The following PCDHGB7 variants were observed in gnomAD, a reference collection of about 807,000 sequenced individuals.
The protein encoded by PCDHGB7 is protocadherin gamma subfamily B, 7.
PCDHGB7 carries 37 observed loss-of-function variants against 61.4 expected under a neutral mutation model. That is an observed-to-expected ratio of 0.60 (90% CI 0.46 to 0.79). The LOEUF (loss-of-function observed/expected upper bound fraction) is 0.79, where lower values mean the gene tolerates loss of function less well. Ranked by LOEUF, PCDHGB7 falls within the 30% of genes least tolerant of loss-of-function variation. The pLI is 0.00. For synonymous variants in PCDHGB7, 464 were observed against 503.5 expected (o/e 0.92, Z 1.05); for missense variants, 1,166 against 1,202.5 (o/e 0.97, Z 0.45).
chr5:141,419,775 G>C lies in PCDHGB7; in HGVS notation c.1916G>C (p.Arg639Pro). The C allele has an allele frequency of 6.2e-7, 1 of 1,614,016 alleles. No homozygotes were observed. The highest frequency in any genetic ancestry group is 8.5e-7 in the Non-Finnish European group (1 of 1,179,884). Residue 639 changes from arginine to proline, a missense_variant, in exon 1 of 4, where the codon CGC becomes CCC. Transcript: ENST00000398594. ...GCTTTGGGTGACAAGGACTCGGTCC[G>C]CCAGCGCCTGCTAGTCGCTGTAAGA... is the stretch of plus-strand genomic sequence containing the variant. ...VRALGDKDSV[R>P]QRLLVAVRDG...
rs528069305 is a variant in PCDHGB7, at chr5:141,457,143, T to A, written c.2415+36869T>A. Among the ~76,000 whole-genome samples the A allele has an allele frequency of 5.3e-5, 8 of 152,334 alleles. No homozygotes were observed. In the South Asian group the frequency reaches 1.5e-3, roughly 28 times the overall value. On this transcript the variant is annotated intron_variant, in intron 1 of 3. Transcript: ENST00000398594. ...ATGGAAACTCTGTCCAATATTTCAG[T>A]TAGAAGGTGCTACCATGGATAACCC...
At chr5:141,434,695 AAT>A (rs1228504579) in intron 1 of PCDHGB7, among the ~76,000 whole-genome samples, 7 of 152,212 alleles carry the variant, frequency 4.6e-5, no homozygotes, top group Non-Finnish European at 8.8e-5. Flanking sequence ...GCTGTTAATA[AAT>A]ATGTGGGTAA....
rs752240769 is a variant in PCDHGB7, at chr5:141,418,560, A to G, written c.701A>G (p.Asp234Gly). The part of the protein sequence containing the change: ...GTAQIRILVI[D>G]ANDNPPVFSQ... Reference sequence around the variant, plus strand: ...GCTCAGATAAGAATCCTGGTAATAGATGCCAATGACAACCCCCCAGTGTTC... The same window carrying G: ...GCTCAGATAAGAATCCTGGTAATAGGTGCCAATGACAACCCCCCAGTGTTC... The change falls in exon 1 of 4, where the codon GAT becomes GGT. Residue 234 changes from aspartate to glycine, a missense_variant. Transcript: ENST00000398594. The G allele has an allele frequency of 1.2e-6, 2 of 1,614,034 alleles. No individual in the cohort carries two copies. Among genetic ancestry groups the G allele is most frequent in the Non-Finnish European group, 1.7e-6 (2 of 1,179,904 alleles).
Position 141,419,305 on chromosome 5 carries a change from G to A in PCDHGB7, c.1446G>A (p.Gly482=), listed in dbSNP as rs778360128. ...TCAGTGCCTCTGACCCAGACTTCGGGCTCAACGGCCGTGTCTCCTACTCTC... is the reference window on the plus strand; with the variant it reads ...TCAGTGCCTCTGACCCAGACTTCGGACTCAACGGCCGTGTCTCCTACTCTC... ...AQVSASDPDF[G]LNGRVSYSLI... Residue 482 remains glycine, a synonymous_variant, in exon 1 of 4, where the codon GGG becomes GGA. Transcript: ENST00000398594. The A allele has an allele frequency of 3.1e-6, 5 of 1,613,906 alleles. No individual in the cohort carries two copies. The East Asian group carries it at 1.1e-4, about 36-fold the overall frequency.
intron 1 of PCDHGB7, among the ~76,000 whole-genome samples, chr5:141,435,696 A>G (rs932132128): frequency 1.3e-5 from 2 of 152,204 alleles, no homozygotes; most frequent in East Asian, 1.9e-4. Context: ...TGCTTATTGT[A>G]GAGTGGTTAC....
chr5:141,490,338 C>A lies in PCDHGB7; in HGVS notation c.2416-4469C>A, dbSNP rs1408559629. Reference sequence around the variant, plus strand: ...CTGTCCTAGAGAGCACACCAGTGGGCACAGTAGTGGGGTTGTTTAATGTGC... The same window carrying A: ...CTGTCCTAGAGAGCACACCAGTGGGAACAGTAGTGGGGTTGTTTAATGTGC... On this transcript the variant is annotated intron_variant, in intron 1 of 3. Coordinates refer to ENST00000398594, the MANE Select transcript of PCDHGB7 (RefSeq NM_018927.4). This position sits in a 1 kb window ranked among gnomAD's most constrained non-coding sequence, Gnocchi z 5.4. 6.2e-7 allele frequency: 1 copy of A among 1,614,184 alleles called. No homozygotes were observed. The highest frequency in any genetic ancestry group is 1.7e-5 in the Admixed American group (1 of 60,032).
chr5:141,442,153 C>T, intron 1 of PCDHGB7: 1 of 158,698 alleles, frequency 6.3e-6, no homozygotes, highest in Non-Finnish European at 1.4e-5. Flanking sequence ...CAGACCTCAG[C>T]GATCACTCTG....
rs2099412065 is a variant in PCDHGB7, at chr5:141,477,502, C to T, written c.2416-17305C>T. On this transcript the variant is annotated intron_variant, in intron 1 of 3. Coordinates refer to ENST00000398594, the MANE Select transcript of PCDHGB7 (RefSeq NM_018927.4). This position sits in a 1 kb window ranked among gnomAD's most constrained non-coding sequence, Gnocchi z 4.9. ...CTCCACAATCTTCTCAATCTTCCTACGACGTTTACATTGAAGAAAACAACC... is the reference window on the plus strand; with the variant it reads ...CTCCACAATCTTCTCAATCTTCCTATGACGTTTACATTGAAGAAAACAACC... 2 of 1,614,144 alleles carry T rather than the reference C, an allele frequency of 1.2e-6. No homozygotes were observed. Among genetic ancestry groups the T allele is most frequent in the Non-Finnish European group, 1.7e-6 (2 of 1,180,018 alleles).
chr5:141,455,924 G>A (rs2098837630), intron 1 of PCDHGB7, among the ~76,000 whole-genome samples: 1 of 149,978 alleles, frequency 6.7e-6, no homozygotes. Flanking sequence ...TTGAGACGGA[G>A]TCTCGCTCTG....
intron 1 of PCDHGB7, among the ~76,000 whole-genome samples, chr5:141,459,804 C>G (rs2098975712): frequency 6.6e-6 from 1 of 152,192 alleles, no homozygotes; most frequent in Non-Finnish European, 1.5e-5. Context: ...TCCCTGTTGA[C>G]TAGAGACACT....
Position 141,491,329 on chromosome 5 carries a change from G to A in PCDHGB7, c.2416-3478G>A. The A allele has an allele frequency of 6.2e-7, 1 of 1,614,142 alleles. No individual in the cohort carries two copies. Among genetic ancestry groups the A allele is most frequent in the Non-Finnish European group, 8.5e-7 (1 of 1,180,022 alleles). On this transcript the variant is annotated intron_variant, in intron 1 of 3. Coordinates refer to ENST00000398594, the MANE Select transcript of PCDHGB7 (RefSeq NM_018927.4). The surrounding 1 kb of genome is among the most constrained non-coding windows in gnomAD (Gnocchi z 6.9). ...AGACCTTACCCTTTACCTCATTGTG[G>A]CTCTAGCGACCGTCAGTCTCTTATC...
At chr5:141,433,847 A>AAAAAAAC (rs1296633381) in intron 1 of PCDHGB7, among the ~76,000 whole-genome samples, 1 of 151,976 alleles carries the variant, frequency 6.6e-6, no homozygotes, top group Non-Finnish European at 1.5e-5. Flanking sequence ...CAAAAAAAAA[A>AAAAAAAC]AAAAAAAACT....
intron 1 of PCDHGB7, chr5:141,422,129 A>T: frequency 6.3e-7 from 1 of 1,599,702 alleles, no homozygotes; most frequent in East Asian, 2.2e-5. Flanking sequence ...CAAACTGGAG[A>T]AGTTCAAGTA....
rs779250544 is a variant in PCDHGB7, at chr5:141,432,639, G to A, written c.2415+12365G>A. The A allele has an allele frequency of 1.2e-6, 2 of 1,613,816 alleles. No homozygotes were observed. Among genetic ancestry groups the A allele is most frequent in the Non-Finnish European group, 1.7e-6 (2 of 1,179,934 alleles). On this transcript the variant is annotated intron_variant, in intron 1 of 3. Coordinates refer to ENST00000398594, the MANE Select transcript of PCDHGB7 (RefSeq NM_018927.4). This position sits in a 1 kb window ranked among gnomAD's most constrained non-coding sequence, Gnocchi z 6.0. Reference sequence around the variant, plus strand: ...GTGGGTCTGCACACGGGCGAGGTGCGCACGGCGCGAGCCCTGCTGGACAGA... The same window carrying A: ...GTGGGTCTGCACACGGGCGAGGTGCACACGGCGCGAGCCCTGCTGGACAGA...
chr5:141,418,093 C>G lies in PCDHGB7; in HGVS notation c.234C>G (p.Asp78Glu). The change falls in exon 1 of 4, where the codon GAC becomes GAG. Residue 78 changes from aspartate to glutamate, a missense_variant. Transcript: ENST00000398594. ...CGGAGAAGCTGCACTTCAGCGTAGA[C>G]GCGCAGAGCGGGGACTTACTTGTGA... ...VSAEKLHFSV[D>E]AQSGDLLVKD... The G allele has an allele frequency of 8.1e-6, 13 of 1,614,032 alleles. No homozygotes were observed. The highest frequency in any genetic ancestry group is 1.1e-5 in the Non-Finnish European group (13 of 1,179,904).
At chr5:141,437,529 C>T (rs1205365959) in intron 1 of PCDHGB7, among the ~76,000 whole-genome samples, 1 of 152,102 alleles carries the variant, frequency 6.6e-6, no homozygotes, top group African/African-American at 2.4e-5. Flanking sequence ...GACAAATGAG[C>T]AAATTGTATC....
intron 2 of PCDHGB7, among the ~76,000 whole-genome samples, chr5:141,500,333 A>G (rs1237684682): frequency 6.6e-6 from 1 of 151,336 alleles, no homozygotes; most frequent in Non-Finnish European, 1.5e-5. Context: ...CTCAGCCTCC[A>G]GAATAGCTGG....
Position 141,458,000 on chromosome 5 carries a change from A to G in PCDHGB7, c.2416-36807A>G, listed in dbSNP as rs1047291886. ...CACCCTTTCAGTTAAAGCCTTGGCA[A>G]AATAACCGGTTTTTCCAATTGTGTT... On this transcript the variant is annotated intron_variant, in intron 1 of 3. Coordinates refer to ENST00000398594, the MANE Select transcript of PCDHGB7 (RefSeq NM_018927.4). Among the ~76,000 whole-genome samples, 4 of 152,214 alleles carry G rather than the reference A, an allele frequency of 2.6e-5. No homozygotes were observed. In the East Asian group the frequency reaches 5.8e-4, roughly 22 times the overall value.
In PCDHGB7 at chr5:141,420,182, C is replaced by G. The variant is rs375716662; in HGVS notation, c.2323C>G (p.Pro775Ala). The G allele has an allele frequency of 3.7e-6, 6 of 1,613,694 alleles. No individual in the cohort carries two copies. In the African/African-American group the frequency reaches 8.0e-5, roughly 22 times the overall value. ...FNFFTSVDHC[P>A]ATQDNLNKDS... Reference sequence around the variant, plus strand: ...TTTTTTCACATCTGTTGATCATTGTCCAGCCACACAAGATAACCTCAACAA... The same window carrying G: ...TTTTTTCACATCTGTTGATCATTGTGCAGCCACACAAGATAACCTCAACAA... Residue 775 changes from proline (P) to alanine (A), a missense_variant, in exon 1 of 4, where the codon CCA (proline) becomes GCA (alanine). By Grantham distance (27) the Pro-to-Ala change is conservative (BLOSUM62 -1). Transcript: ENST00000398594.
Sources: allele counts gnomAD v4.1 joint callset (sites outside exome capture counted in the v4.1 genomes callset), GRCh38; gene constraint gnomAD v4.1.1; non-coding constraint Gnocchi (gnomAD v3.1); transcripts MANE v1.5; gene names NCBI Gene and HGNC (gene_info 2026-07-23, HGNC 2026-07-21).